Variants in CFAP77 observed in about 807,000 individuals in gnomAD.
CFAP77 encodes cilia and flagella associated protein 77.
CFAP77 carries 25 observed loss-of-function variants against 31.1 expected under a neutral mutation model. The observed-to-expected ratio is 0.80, with a 90% CI of 0.59 to 1.12. The LOEUF is 1.12. Ranked by LOEUF, CFAP77 falls within the 50% of genes most tolerant of loss-of-function variation. The pLI is 0.00. For synonymous variants in CFAP77, 151 were observed against 159.9 expected (o/e 0.94, Z 0.42); for missense variants, 377 against 397.3 (o/e 0.95, Z 0.44).
Position 132,465,060 on chromosome 9 carries a change from C to T in CFAP77, c.196-33635C>T, listed in dbSNP as rs183503756. Among the ~76,000 whole-genome samples the T allele has an allele frequency of 2.4e-3, 309 of 126,606 alleles. 1 individual carries two copies. The highest frequency in any genetic ancestry group is 8.4e-3 in the African/African-American group (276 of 32,726). The allele number at this position is 126,606 out of a possible 152,430, so 83.1% of individuals were successfully genotyped here. A position where few individuals can be genotyped will look rare whatever the true frequency, so the allele number is the denominator to read the frequency against. Reference sequence around the variant, plus strand: ...TTACACTCCAGCCTGGGCGACAGAGCGAGACTCTGTCTCAAAAAAAAAAAA... The same window carrying T: ...TTACACTCCAGCCTGGGCGACAGAGTGAGACTCTGTCTCAAAAAAAAAAAA... On this transcript the variant is annotated intron_variant, in intron 1 of 5. Transcript: ENST00000393216.
intron 5 of CFAP77, among the ~76,000 whole-genome samples, chr9:132,549,893 A>G (rs1489269380): frequency 6.6e-6 from 1 of 152,126 alleles, no homozygotes; most frequent in African/African-American, 2.4e-5. Flanking sequence ...ATAATCTGGC[A>G]CCTCAGAGGT....
chr9:132,502,162 G>A (rs1851856071), intron 3 of CFAP77, among the ~76,000 whole-genome samples: 1 of 151,666 alleles, frequency 6.6e-6, no homozygotes, highest in Non-Finnish European at 1.5e-5. Context: ...GCCCTCATTT[G>A]AGGCCACTGA....
In CFAP77 at chr9:132,490,147, C is replaced by T. The variant is rs1051824558; in HGVS notation, c.196-8548C>T. Among the ~76,000 whole-genome samples the T allele has an allele frequency of 5.3e-5, 8 of 151,972 alleles. No individual in the cohort carries two copies. The South Asian group carries it at 6.2e-4, about 12-fold the overall frequency. On this transcript the variant is annotated intron_variant, in intron 1 of 5. Transcript: ENST00000393216. The surrounding 1 kb of genome is among the most constrained non-coding windows in gnomAD (Gnocchi z 4.6). ...GACGGACAGAAGGGGATAAAAAGGG[C>T]GAACTCCCTCCATCAAGGCCTTTTA...
At chr9:132,441,039 T>A (rs1355767568) in intron 1 of CFAP77, among the ~76,000 whole-genome samples, 1 of 152,204 alleles carries the variant, frequency 6.6e-6, no homozygotes, top group African/African-American at 2.4e-5. Flanking sequence ...CACCCTTCTC[T>A]CCTTGCCTCT....
chr9:132,548,887 G>C (rs1001714447), intron 5 of CFAP77, among the ~76,000 whole-genome samples: 3 of 152,208 alleles, frequency 2.0e-5, no homozygotes, highest in Non-Finnish European at 2.9e-5. Context: ...TAAGCTAACA[G>C]TTTGATTTAC....
chr9:132,416,051 T>C (rs1850089105), intron 1 of CFAP77, among the ~76,000 whole-genome samples: 1 of 152,200 alleles, frequency 6.6e-6, no homozygotes, highest in Non-Finnish European at 1.5e-5. Flanking sequence ...TTGTAAAATG[T>C]GTCACAGACA....
rs1398015660 is a variant in CFAP77, at chr9:132,572,953, CA to C, written c.*444del. On this transcript the variant is annotated 3_prime_UTR_variant, in exon 6 of 6. Coordinates refer to ENST00000393216, the MANE Select transcript of CFAP77 (RefSeq NM_001282957.2). Reference sequence around the variant, plus strand: ...GAAAGCCCTCATTTTCTATTCCAAACATGAGTTTTAATTGCTCTTTTTGGGA... The same window carrying C: ...GAAAGCCCTCATTTTCTATTCCAAACTGAGTTTTAATTGCTCTTTTTGGGA... 6.2e-6 allele frequency: 1 copy of C among 162,092 alleles called. No individual in the cohort carries two copies. The highest frequency in any genetic ancestry group is 1.3e-5 in the Non-Finnish European group (1 of 74,928). The allele number at this position is 162,092 out of a possible 1,614,324, so 10.0% of individuals were successfully genotyped here. A position where few individuals can be genotyped will look rare whatever the true frequency, so the allele number is the denominator to read the frequency against.
chr9:132,466,370 C>T (rs1166760886), intron 1 of CFAP77, among the ~76,000 whole-genome samples: 1 of 152,218 alleles, frequency 6.6e-6, no homozygotes, highest in Non-Finnish European at 1.5e-5. Context: ...TTCAGGTCAG[C>T]TGCAGTTAGC....
Position 132,539,919 on chromosome 9 carries a change from GTTTA to G in CFAP77, c.630+2217_630+2220del, listed in dbSNP as rs894804785. 1.6e-4 allele frequency among the ~76,000 whole-genome samples: 25 copies of G among 151,752 alleles called. No homozygotes were observed. The highest frequency in any genetic ancestry group is 6.0e-4 in the African/African-American group (25 of 41,398). ...GAGCTGGGAGTTTTTTTTGCTGTTT[GTTTA>G]TTTTTGTTTTTGTTTGTTTGTTTTT... On this transcript the variant is annotated intron_variant, in intron 4 of 5. Coordinates refer to ENST00000393216, the MANE Select transcript of CFAP77 (RefSeq NM_001282957.2). The surrounding 1 kb of genome is among the most constrained non-coding windows in gnomAD (Gnocchi z 4.3).
At chr9:132,491,220 C>A (rs150669690) in intron 1 of CFAP77, among the ~76,000 whole-genome samples, 538 of 152,332 alleles carry the variant, frequency 3.5e-3, no homozygotes, top group Non-Finnish European at 5.0e-3. Flanking sequence ...GTAATCCCAG[C>A]ATTTTGGGAG....
At chr9:132,503,993 C>T (rs570695148) in intron 3 of CFAP77, among the ~76,000 whole-genome samples, 51 of 152,154 alleles carry the variant, frequency 3.4e-4, no homozygotes, top group Non-Finnish European at 6.9e-4. Flanking sequence ...GAACCAAGAT[C>T]GCACCACTGC....
intron 3 of CFAP77, among the ~76,000 whole-genome samples, chr9:132,510,516 C>T (rs902672810): frequency 2.6e-5 from 4 of 152,316 alleles, no homozygotes; most frequent in Middle Eastern, 3.4e-3. Flanking sequence ...TGGCACTGCA[C>T]GAAGAACCAG....
rs779304849 is a variant in CFAP77, at chr9:132,552,088, C to T, written c.732+9041C>T. Among the ~76,000 whole-genome samples the T allele has an allele frequency of 1.6e-4, 25 of 152,346 alleles. No individual in the cohort carries two copies. The highest frequency in any genetic ancestry group is 2.9e-4 in the Non-Finnish European group (20 of 68,038). ...GCTGATCCCGGATTCAGGCTTACTG[C>T]GTTAAAAGTGGGAGGCTGAGGCTGA... is the stretch of plus-strand genomic sequence containing the variant. On this transcript the variant is annotated intron_variant, in intron 5 of 5. Transcript: ENST00000393216. The surrounding 1 kb of genome is among the most constrained non-coding windows in gnomAD (Gnocchi z 5.5).
intron 1 of CFAP77, among the ~76,000 whole-genome samples, chr9:132,418,544 T>C (rs1850149292): frequency 1.3e-5 from 2 of 152,244 alleles, no homozygotes; most frequent in Admixed American, 1.3e-4. Context: ...TGTCTTCCTC[T>C]CATACACTTT....
Position 132,497,948 on chromosome 9 carries a change from A to T in CFAP77, c.196-747A>T, listed in dbSNP as rs1454300910. On this transcript the variant is annotated intron_variant, in intron 1 of 5. Coordinates refer to ENST00000393216, the MANE Select transcript of CFAP77 (RefSeq NM_001282957.2). The surrounding 1 kb of genome is among the most constrained non-coding windows in gnomAD (Gnocchi z 4.9). ...CAGTCAAGAGGACAGGCACGCCTCC[A>T]TGCGATGCCCTGCCCAGCGCTTGGG... 6.6e-6 allele frequency among the ~76,000 whole-genome samples: 1 copy of T among 152,160 alleles called. No homozygotes were observed. The highest frequency in any genetic ancestry group is 1.5e-5 in the Non-Finnish European group (1 of 68,008).
At chr9:132,496,656 G>T (rs1023932714) in intron 1 of CFAP77, among the ~76,000 whole-genome samples, 11 of 152,192 alleles carry the variant, frequency 7.2e-5, no homozygotes, top group Admixed American at 2.0e-4. Flanking sequence ...TGCTACCGCG[G>T]GTACAACCCT....
chr9:132,412,715 C>T (rs1354792945), intron 1 of CFAP77, among the ~76,000 whole-genome samples: 1 of 151,858 alleles, frequency 6.6e-6, no homozygotes, highest in Admixed American at 6.6e-5. Context: ...ATTATTTTTA[C>T]CACTTCAAAC....
At chr9:132,507,886 C>G (rs992816024) in intron 3 of CFAP77, among the ~76,000 whole-genome samples, 2 of 152,128 alleles carry the variant, frequency 1.3e-5, no homozygotes, top group Non-Finnish European at 2.9e-5. Context: ...TCAGAGAGGG[C>G]CTGAAATGTA....
chr9:132,525,708 T>A (rs1432565078), intron 3 of CFAP77, among the ~76,000 whole-genome samples: 2 of 152,238 alleles, frequency 1.3e-5, no homozygotes, highest in Non-Finnish European at 2.9e-5. Context: ...GACACAAAAC[T>A]GTTCTGTCAT....
Sources: gnomAD v4.1 joint callset for allele counts (sites outside exome capture counted in the v4.1 genomes callset) on GRCh38, gnomAD v4.1.1 for gene constraint, Gnocchi (gnomAD v3.1) non-coding constraint, MANE v1.5 for transcripts, NCBI Gene and HGNC (gene_info 2026-07-23, HGNC 2026-07-21) for gene names.